Variants in TGIF2 observed in about 807,000 individuals in gnomAD.
TGIF2 encodes TGFB induced factor homeobox 2.
In TGIF2, 5 loss-of-function variants were observed where a neutral mutation model predicts 15.1. The ratio of observed to expected loss-of-function variants is 0.33; its 90% CI spans 0.17 to 0.70. The LOEUF (loss-of-function observed/expected upper bound fraction) is 0.70. TGIF2 is among the 30% of genes least tolerant of loss of function. The pLI, the probability that TGIF2 is intolerant of heterozygous loss-of-function variation, is 0.67. For synonymous variants in TGIF2, 131 were observed against 128.9 expected, an observed-to-expected ratio of 1.02 and a Z score of -0.11; for missense variants, 264 against 302.5, an observed-to-expected ratio of 0.87 and a Z score of 0.94.
chr20:36,573,549 T>G (rs1177689562), upstream of TGIF2: 64 of 112,610 alleles, frequency 5.7e-4, no homozygotes, highest in East Asian at 1.1e-3. Flanking sequence ...TCCGGGCGGG[T>G]GGGGGAGGGC....
intron 2 of TGIF2, among the ~76,000 whole-genome samples, chr20:36,580,813 C>CAA (rs71184101): frequency 5.9e-4 from 27 of 45,916 alleles, no homozygotes; most frequent in South Asian, 2.3e-3. Flanking sequence ...GACATTGTCT[C>CAA]AAAAAAAAAA....
intron 2 of TGIF2, among the ~76,000 whole-genome samples, chr20:36,583,293 A>G (rs1370699837): frequency 2.7e-5 from 4 of 150,078 alleles, no homozygotes; most frequent in African/African-American, 9.8e-5. Flanking sequence ...AAACAAACAA[A>G]CAAAAAAAAC....
chr20:36,578,218 C>T (rs2038471057), intron 1 of TGIF2, among the ~76,000 whole-genome samples: 2 of 151,844 alleles, frequency 1.3e-5, no homozygotes, highest in Non-Finnish European at 2.9e-5. Context: ...TTAAGACCAG[C>T]CTGGCCAATA....
At chr20:36,583,706 G>A (rs1042864996) in intron 2 of TGIF2, among the ~76,000 whole-genome samples, 3 of 152,280 alleles carry the variant, frequency 2.0e-5, no homozygotes, top group Non-Finnish European at 2.9e-5. Flanking sequence ...AGGCCAGCCT[G>A]GCCAACATGG....
rs2038780092 is a variant in TGIF2 at position 36,592,195 on chromosome 20, C to T, written c.*764C>T. 6.6e-6 allele frequency: 1 copy of T among 151,372 alleles called. No homozygotes were observed. The highest frequency in any genetic ancestry group is 2.4e-5 in the African/African-American group (1 of 41,140). The allele number at this position is 151,372 out of a possible 1,614,324, so 9.4% of individuals were successfully genotyped here. A position where few individuals can be genotyped will look rare whatever the true frequency, so the allele number is the denominator to read the frequency against. ...AAAAAAAAAAAAACAACCGTATGAG[C>T]GCATTGGCTTGTCTGCCGCAGGCAC... On this transcript the variant is annotated 3_prime_UTR_variant, in exon 3 of 3. Transcript: ENST00000373872.
At chr20:36,586,626 C>T (rs1685877520) in intron 2 of TGIF2, among the ~76,000 whole-genome samples, 1 of 151,134 alleles carries the variant, frequency 6.6e-6, no homozygotes, top group Non-Finnish European at 1.5e-5. Context: ...ACCCGAGAGG[C>T]GGAGGTTGCA....
chr20:36,586,299 G>A (rs946225710), intron 2 of TGIF2, among the ~76,000 whole-genome samples: 1 of 152,152 alleles, frequency 6.6e-6, no homozygotes, highest in African/African-American at 2.4e-5. Flanking sequence ...AAGCCTGGGC[G>A]GCCAGACTTT....
At chr20:36,573,930 G>T (rs939348058) in intron 1 of TGIF2, among the ~76,000 whole-genome samples, 185 bp downstream of exon 1, 42 of 151,906 alleles carry the variant, frequency 2.8e-4, no homozygotes, top group African/African-American at 9.9e-4. Flanking sequence ...TCCCGACGGC[G>T]CTGCGCTCCG....
At chr20:36,589,191 T>G (rs536487236) in intron 2 of TGIF2, among the ~76,000 whole-genome samples, 16 of 152,302 alleles carry the variant, frequency 1.1e-4, no homozygotes, top group African/African-American at 2.2e-4. Flanking sequence ...TGGGGGCTTG[T>G]TGGTGGTTAT....
At chr20:36,581,432 G>A (rs1296409110) in intron 2 of TGIF2, among the ~76,000 whole-genome samples, 1 of 151,878 alleles carries the variant, frequency 6.6e-6, no homozygotes, top group Non-Finnish European at 1.5e-5. Context: ...AAATCTGATA[G>A]GGCCAGGCAC....
rs544516064 is a variant in TGIF2, at chr20:36,583,278, AAAAC to A, written c.192+4328_192+4331del. 3.5e-3 allele frequency among the ~76,000 whole-genome samples: 527 copies of A among 151,626 alleles called. 2 individuals are homozygous for A. Among genetic ancestry groups the A allele is most frequent in the Admixed American group, 5.3e-3 (80 of 15,210 alleles). Reference sequence around the variant, plus strand: ...AACAGCAAAACTGTCTCAAAAAAAAAAAACAAACAAACAAACAAAAAAAACCTTC... The same window carrying A: ...AACAGCAAAACTGTCTCAAAAAAAAAAAACAAACAAACAAAAAAAACCTTC... On this transcript the variant is annotated intron_variant, in intron 2 of 2. Coordinates refer to ENST00000373872, the MANE Select transcript of TGIF2 (RefSeq NM_021809.7).
Position 36,578,983 on chromosome 20 carries a change from G to C in TGIF2, c.192+17G>C, listed in dbSNP as rs772046300. 20 of 1,609,004 alleles carry C rather than the reference G, an allele frequency of 1.2e-5. No homozygotes were observed. Among genetic ancestry groups the C allele is most frequent in the Non-Finnish European group, 1.7e-5 (20 of 1,176,704 alleles). On this transcript the variant is annotated intron_variant, in intron 2 of 2. Coordinates refer to ENST00000373872, the MANE Select transcript of TGIF2 (RefSeq NM_021809.7). ...GTGCTGCAAGTAAGGAGGGGATCTG[G>C]ATAAGGGGGTGGCAGGAGGACCTGG...
intron 2 of TGIF2, among the ~76,000 whole-genome samples, chr20:36,589,132 A>G (rs1261103534): frequency 6.6e-6 from 1 of 152,168 alleles, no homozygotes; most frequent in Non-Finnish European, 1.5e-5. Context: ...ACCCTTAGCT[A>G]TGGGAGTTTC....
At chr20:36,589,997 CAGGCTGG>C (rs2038737157) in intron 2 of TGIF2, among the ~76,000 whole-genome samples, 1 of 152,166 alleles carries the variant, frequency 6.6e-6, no homozygotes. Context: ...CCTGACTCTC[CAGGCTGG>C]AGTGCACTGG....
At chr20:36,577,480 G>A (rs969185740) in intron 1 of TGIF2, among the ~76,000 whole-genome samples, 6 of 151,232 alleles carry the variant, frequency 4.0e-5, no homozygotes, top group Admixed American at 4.0e-4. Flanking sequence ...CAAAGTGCTG[G>A]GATTACGAGC....
chr20:36,577,048 T>C (rs1019250527), intron 1 of TGIF2, among the ~76,000 whole-genome samples: 3 of 152,076 alleles, frequency 2.0e-5, no homozygotes, highest in African/African-American at 7.2e-5. Context: ...TTTTTAATTA[T>C]GTCGTCCAGG....
At chr20:36,583,951 C>T (rs2038599461) in intron 2 of TGIF2, among the ~76,000 whole-genome samples, 1 of 152,106 alleles carries the variant, frequency 6.6e-6, no homozygotes, top group African/African-American at 2.4e-5. Context: ...CCTGTAATCC[C>T]AGCTACTTAG....
rs1239933380 is a variant in TGIF2, at chr20:36,593,737, G to A, written c.*2306G>A. The A allele has an allele frequency of 1.3e-5, 2 of 152,796 alleles. No individual in the cohort carries two copies. The highest frequency in any genetic ancestry group is 1.3e-4 in the Admixed American group (2 of 15,294). 9.5% of individuals were successfully genotyped at this position (152,796 alleles called of 1,614,324 possible). A position where few individuals can be genotyped will look rare whatever the true frequency, so the allele number is the denominator to read the frequency against. ...CCCACAGTGCACTGAGCAATGGAGG[G>A]TGGTGAGGGAGCCATGCTGCTGAAT... On this transcript the variant is annotated 3_prime_UTR_variant, in exon 3 of 3. Coordinates refer to ENST00000373872, the MANE Select transcript of TGIF2 (RefSeq NM_021809.7).
intron 1 of TGIF2, among the ~76,000 whole-genome samples, chr20:36,577,485 ACGAGCG>A (rs2038455208): frequency 2.7e-5 from 4 of 149,212 alleles, no homozygotes; most frequent in Admixed American, 2.7e-4. Flanking sequence ...TGCTGGGATT[ACGAGCG>A]TGAGCCACCG....
Sources: allele counts gnomAD v4.1 joint callset (sites outside exome capture counted in the v4.1 genomes callset), GRCh38; gene constraint gnomAD v4.1.1; transcripts MANE v1.5; gene names NCBI Gene and HGNC (gene_info 2026-07-23, HGNC 2026-07-21).